Variants in GABBR2 observed in about 807,000 individuals in gnomAD.
GABBR2 encodes the protein G-protein coupled receptor 51.
GABBR2 carries 23 observed loss-of-function variants against 105.6 expected under a neutral mutation model. The ratio of observed to expected loss-of-function variants is 0.22; its 90% CI spans 0.16 to 0.31. The LOEUF is 0.31. GABBR2 is among the 10% of genes least tolerant of loss of function. The probability of loss-of-function intolerance (pLI) is 1.00; values close to 1 mark genes in which losing one functional copy is unlikely to be tolerated. For missense variants in GABBR2, 734 were observed against 1,245.5 expected (o/e 0.59, Z 6.18); for synonymous variants, 478 against 499.7 (o/e 0.96, Z 0.58).
chr9:98,510,127 A>G (rs1827606350), intron 3 of GABBR2, among the ~76,000 whole-genome samples: 1 of 152,250 alleles, frequency 6.6e-6, no homozygotes, highest in African/African-American at 2.4e-5. Context: ...AACATTCTTA[A>G]AGAAAAGAAT....
At chr9:98,420,199 C>A (rs199945202) in intron 7 of GABBR2, among the ~76,000 whole-genome samples, 2 of 152,164 alleles carry the variant, frequency 1.3e-5, no homozygotes. Context: ...CTAGCTCCCC[C>A]CACCTGGCCC....
At chr9:98,641,864 C>T (rs1270758667) in intron 1 of GABBR2, among the ~76,000 whole-genome samples, 2 of 152,166 alleles carry the variant, frequency 1.3e-5, no homozygotes, top group Admixed American at 6.5e-5. Flanking sequence ...GAAGGCAGCA[C>T]CACCCCCACA....
At chr9:98,668,909 G>A (rs1361144685) in intron 1 of GABBR2, among the ~76,000 whole-genome samples, 1 of 150,974 alleles carries the variant, frequency 6.6e-6, no homozygotes, top group African/African-American at 2.5e-5. Context: ...GTGTGTGTGT[G>A]TGTGTGTGTA....
chr9:98,302,746 C>G, intron 16 of GABBR2: 1 of 152,864 alleles, frequency 6.5e-6, no homozygotes, highest in Admixed American at 6.5e-5. Context: ...GCTATGGTCT[C>G]TCTGGAATAT....
intron 13 of GABBR2, among the ~76,000 whole-genome samples, chr9:98,349,655 A>G (rs1322809106): frequency 6.6e-6 from 1 of 151,984 alleles, no homozygotes; most frequent in African/African-American, 2.4e-5. Context: ...TGCCCGGAGA[A>G]TATTTTTTCA....
At chr9:98,507,157 T>C (rs959046223) in intron 3 of GABBR2, among the ~76,000 whole-genome samples, 2 of 152,162 alleles carry the variant, frequency 1.3e-5, no homozygotes, top group African/African-American at 2.4e-5. Context: ...CAGTGATGGA[T>C]AGAGTCATGC....
intron 3 of GABBR2, among the ~76,000 whole-genome samples, chr9:98,513,671 G>T (rs1588206009): frequency 6.6e-6 from 1 of 152,230 alleles, no homozygotes; most frequent in Admixed American, 6.5e-5. Context: ...CATCATCACT[G>T]GCCATCAGAG....
chr9:98,626,390 G>T (rs1050972691), intron 1 of GABBR2, among the ~76,000 whole-genome samples: 3 of 152,176 alleles, frequency 2.0e-5, no homozygotes, highest in African/African-American at 7.2e-5. Context: ...TGGGTGAATT[G>T]TATGTTAGGT....
At chr9:98,637,274 G>T (rs1167772) in intron 1 of GABBR2, among the ~76,000 whole-genome samples, 37,101 of 152,008 alleles carry the variant, frequency 0.24, 5,334 homozygotes, top group East Asian at 0.53. Context: ...GGGAGACACA[G>T]TTGGCTACTT....
At chr9:98,387,263 T>C (rs1423104444) in intron 10 of GABBR2, among the ~76,000 whole-genome samples, 2 of 152,200 alleles carry the variant, frequency 1.3e-5, no homozygotes, top group Non-Finnish European at 2.9e-5. Context: ...AAACTTCACC[T>C]GGATGCCAGC....
intron 1 of GABBR2, among the ~76,000 whole-genome samples, chr9:98,611,490 G>GAATA (rs1347398876): frequency 6.6e-6 from 1 of 152,064 alleles, no homozygotes; most frequent in Non-Finnish European, 1.5e-5. Flanking sequence ...ATGAATGAAT[G>GAATA]AATGAAATTG....
Position 98,514,535 on chromosome 9 carries a change from A to G in GABBR2, c.631-18021T>C, listed in dbSNP as rs1827719104. Among the ~76,000 whole-genome samples the G allele has an allele frequency of 2.7e-5, 4 of 150,916 alleles. 1 individual carries two copies. Among genetic ancestry groups the G allele is most frequent in the Admixed American group, 2.6e-4 (4 of 15,160 alleles). On this transcript the variant is annotated intron_variant, in intron 3 of 18. Transcript: ENST00000259455. ...GAATCTGGAAACCACCATTCTCAGC[A>G]AACTATCGCAAGGACAAAAAAACAA... is the stretch of plus-strand genomic sequence containing the variant.
chr9:98,541,535 C>A lies in GABBR2; in HGVS notation c.630+338G>T, dbSNP rs575109268. 1.6e-4 allele frequency among the ~76,000 whole-genome samples: 24 copies of A among 152,186 alleles called. No individual in the cohort carries two copies. The South Asian group carries it at 5.0e-3, about 32-fold the overall frequency. Reference sequence around the variant, plus strand: ...AAAACTCTCCTCACAGATGAACACACCCCCTGGTAGAACTTTGTGATCTTA... The same window carrying A: ...AAAACTCTCCTCACAGATGAACACAACCCCTGGTAGAACTTTGTGATCTTA... On this transcript the variant is annotated intron_variant, in intron 3 of 18. Transcript: ENST00000259455.
chr9:98,612,259 G>C (rs1000374408), intron 1 of GABBR2, among the ~76,000 whole-genome samples: 1 of 152,240 alleles, frequency 6.6e-6, no homozygotes, highest in Non-Finnish European at 1.5e-5. Context: ...CCAGAACTAG[G>C]ATATGGGGGC....
intron 1 of GABBR2, among the ~76,000 whole-genome samples, chr9:98,600,197 A>C (rs144512024): frequency 6.6e-6 from 1 of 152,316 alleles, no homozygotes; most frequent in Non-Finnish European, 1.5e-5. Flanking sequence ...GCACATCTGC[A>C]GGAAATATAC....
intron 1 of GABBR2, among the ~76,000 whole-genome samples, chr9:98,675,971 C>G (rs185370249): frequency 1.3e-5 from 2 of 152,182 alleles, no homozygotes; most frequent in African/African-American, 4.8e-5. Flanking sequence ...ATAGATAGAA[C>G]AAAGCACACC....
intron 1 of GABBR2, among the ~76,000 whole-genome samples, chr9:98,583,676 T>G (rs1829033078): frequency 6.6e-6 from 1 of 152,220 alleles, no homozygotes; most frequent in East Asian, 1.9e-4. Context: ...TGTGCATGAA[T>G]GTACCTGATG....
intron 8 of GABBR2, among the ~76,000 whole-genome samples, chr9:98,397,208 C>T (rs1832308948): frequency 6.6e-6 from 1 of 152,178 alleles, no homozygotes; most frequent in South Asian, 2.1e-4. Flanking sequence ...CATGATAAAG[C>T]ATCTCTCAAA....
Position 98,606,425 on chromosome 9 carries a change from G to A in GABBR2, c.322-28353C>T, listed in dbSNP as rs972776618. ...TTTAAAGGGTAAATACATACAAACT[G>A]CTTGTAATAATGCCTGGCACATCAG... On this transcript the variant is annotated intron_variant, in intron 1 of 18. Coordinates refer to ENST00000259455, the MANE Select transcript of GABBR2 (RefSeq NM_005458.8). 2.9e-4 allele frequency among the ~76,000 whole-genome samples: 44 copies of A among 151,630 alleles called. 1 individual carries two copies. The highest frequency in any genetic ancestry group is 8.5e-4 in the Admixed American group (13 of 15,240).
Sources: gnomAD v4.1 joint callset for allele counts (sites outside exome capture counted in the v4.1 genomes callset) on GRCh38, gnomAD v4.1.1 for gene constraint, MANE v1.5 for transcripts, NCBI Gene and HGNC (gene_info 2026-07-23, HGNC 2026-07-21) for gene names.